The following CHLSN variants were observed in gnomAD, a reference collection of about 807,000 sequenced individuals.
CHLSN encodes the protein cholesin, also known as protein cholesin.
chr7:1,086,342 C>A, the CHLSN span, among the ~76,000 whole-genome samples: 1 of 152,204 alleles, frequency 6.6e-6, no homozygotes, highest in African/African-American at 2.4e-5. Flanking sequence ...GTGTCTCAGG[C>A]ATTTTTAATG....
chr7:1,022,669 G>C, the CHLSN span, among the ~76,000 whole-genome samples: 1 of 152,108 alleles, frequency 6.6e-6, no homozygotes, highest in Non-Finnish European at 1.5e-5. Flanking sequence ...TCTTCTTAAT[G>C]ATCAGAAACA....
chr7:1,102,590 T>TC, the CHLSN span, among the ~76,000 whole-genome samples: 1 of 152,086 alleles, frequency 6.6e-6, no homozygotes, highest in Non-Finnish European at 1.5e-5. Flanking sequence ...TTTTTTTTTT[T>TC]CAGAGCAGGA....
At chr7:1,016,814 AG>A in the CHLSN span, among the ~76,000 whole-genome samples, 1 of 115,254 alleles carries the variant, frequency 8.7e-6, no homozygotes, top group Non-Finnish European at 1.7e-5. Context: ...AGCACACACC[AG>A]CGCACAGCAG....
At chr7:1,068,866 C>A in the CHLSN span, among the ~76,000 whole-genome samples, 1 of 152,322 alleles carries the variant, frequency 6.6e-6, no homozygotes, top group South Asian at 2.1e-4. Flanking sequence ...AAAACACCTA[C>A]AGCCCCTGCC....
the CHLSN span, among the ~76,000 whole-genome samples, chr7:1,022,767 CCA>C: frequency 1.3e-5 from 2 of 152,236 alleles, no homozygotes; most frequent in African/African-American, 4.8e-5. Context: ...TCCTCCCTCC[CCA>C]GTTACTTCCT....
the CHLSN span, among the ~76,000 whole-genome samples, chr7:1,020,985 A>G: frequency 5.8e-5 from 8 of 137,152 alleles, no homozygotes; most frequent in African/African-American, 2.7e-4. Flanking sequence ...GGGGACCTTC[A>G]GGCAGGTACC....
chr7:1,070,403 G>A, the CHLSN span, among the ~76,000 whole-genome samples: 1 of 143,770 alleles, frequency 7.0e-6, no homozygotes, highest in Non-Finnish European at 1.6e-5. Flanking sequence ...GGGAGGTGAG[G>A]GGCGCCTCTG....
chr7:1,075,711 C>T, the CHLSN span, among the ~76,000 whole-genome samples: 2 of 150,144 alleles, frequency 1.3e-5, no homozygotes, highest in Admixed American at 6.6e-5. Flanking sequence ...CTCCTGGGTT[C>T]ACGCCATTGT....
the CHLSN span, among the ~76,000 whole-genome samples, chr7:1,094,110 T>C: frequency 6.6e-6 from 1 of 152,212 alleles, no homozygotes; most frequent in African/African-American, 2.4e-5. Context: ...AAGCTGCCTT[T>C]CTAGAAGGCT....
chr7:1,004,023 G>C, the CHLSN span, among the ~76,000 whole-genome samples: 4 of 151,424 alleles, frequency 2.6e-5, no homozygotes, highest in Non-Finnish European at 5.9e-5. Context: ...AGTCCTGCGG[G>C]TGGGGAGTCC....
At chr7:1,016,041 TCACGCCAGCACACAGCAGCA>T in the CHLSN span, among the ~76,000 whole-genome samples, 3 of 134,226 alleles carry the variant, frequency 2.2e-5, no homozygotes, top group East Asian at 2.0e-4. Flanking sequence ...CCCTCCGGTG[TCACGCCAGCACACAGCAGCA>T]CACGCCAGCG....
chr7:1,018,170 A>T, the CHLSN span, among the ~76,000 whole-genome samples: 2 of 152,202 alleles, frequency 1.3e-5, no homozygotes, highest in Non-Finnish European at 1.5e-5. Flanking sequence ...CCCACCAGGC[A>T]GGAAGCACAG....
the CHLSN span, among the ~76,000 whole-genome samples, chr7:1,102,191 A>T: frequency 2.0e-5 from 3 of 152,138 alleles, no homozygotes; most frequent in East Asian, 5.8e-4. Context: ...CAAAACACAA[A>T]CTCCGTCCAA....
chr7:1,062,497 C>T, the CHLSN span, among the ~76,000 whole-genome samples: 1 of 152,214 alleles, frequency 6.6e-6, no homozygotes, highest in Non-Finnish European at 1.5e-5. Flanking sequence ...AACCATGTCT[C>T]CACACGTCTC....
chr7:1,050,572 C>T, the CHLSN span, among the ~76,000 whole-genome samples: 1 of 152,382 alleles, frequency 6.6e-6, no homozygotes, highest in Middle Eastern at 3.4e-3. Flanking sequence ...GGCGTCCCTG[C>T]ACCCTGGTGC....
chr7:989,212 T>G, the CHLSN span: 1 of 228,156 alleles, frequency 4.4e-6, no homozygotes, highest in Non-Finnish European at 8.6e-6. Context: ...CGCAGGTGGG[T>G]GTCCTCAGCG....
the CHLSN span, among the ~76,000 whole-genome samples, chr7:1,110,621 G>A: frequency 9.2e-4 from 140 of 152,298 alleles, no homozygotes; most frequent in African/African-American, 3.3e-3. Flanking sequence ...ACCGGGACAC[G>A]GGCCTCGCGG....
the CHLSN span, among the ~76,000 whole-genome samples, chr7:1,094,681 ACT>A: frequency 0.012 from 1,783 of 151,542 alleles, 25 homozygotes; most frequent in African/African-American, 0.041. Context: ...AGCCCAGGAA[ACT>A]CTCTCTCCTC....
At chr7:1,005,446 G>A in the CHLSN span, among the ~76,000 whole-genome samples, 2 of 152,260 alleles carry the variant, frequency 1.3e-5, no homozygotes, top group Non-Finnish European at 2.9e-5. Context: ...GCCAGCCGCG[G>A]TGAGCTGACG....
Sources: gnomAD v4.1 joint callset for allele counts (sites outside exome capture counted in the v4.1 genomes callset) on GRCh38, gnomAD v4.1.1 for gene constraint, MANE v1.5 for transcripts, NCBI Gene and HGNC (gene_info 2026-07-23, HGNC 2026-07-21) for gene names.